Variants in OGFOD1 observed in about 807,000 individuals in gnomAD.
The protein encoded by OGFOD1 is 2-oxoglutarate and iron dependent oxygenase domain containing 1.
A neutral mutation model predicts 67.7 loss-of-function variants in OGFOD1; 54 were observed. The observed-to-expected ratio is 0.80, with a 90% confidence interval of 0.64 to 1.00. The LOEUF (loss-of-function observed/expected upper bound fraction) is 1.00, where lower values mean the gene tolerates loss of function less well. Ranked by LOEUF, OGFOD1 falls within the 50% of genes least tolerant of loss-of-function variation. The pLI, the probability that OGFOD1 is intolerant of heterozygous loss-of-function variation, is 0.00. For missense variants in OGFOD1, 606 were observed against 646.7 expected, an observed-to-expected ratio of 0.94 and a Z score of 0.68; for synonymous variants, 221 against 227.0, an observed-to-expected ratio of 0.97 and a Z score of 0.24.
chr16:56,458,876 T>A (rs1165893163), intron 3 of OGFOD1: 1 of 407,004 alleles, frequency 2.5e-6, no homozygotes, highest in Non-Finnish European at 4.5e-6. Flanking sequence ...GGAGATACCA[T>A]TTTTCACATG....
chr16:56,461,858 C>T (rs1197402509), intron 3 of OGFOD1, among the ~76,000 whole-genome samples: 1 of 151,940 alleles, frequency 6.6e-6, no homozygotes, highest in Non-Finnish European at 1.5e-5. Context: ...CACTGGAGGC[C>T]GAGGCAGGCG....
chr16:56,470,862 A>C, intron 10 of OGFOD1, 71 bp downstream of exon 10: 10 of 1,408,360 alleles, frequency 7.1e-6, no homozygotes, highest in Non-Finnish European at 9.5e-6. Context: ...TTCATTCAAC[A>C]AACATTTATT....
intron 10 of OGFOD1, among the ~76,000 whole-genome samples, chr16:56,474,416 G>A (rs1220672866): frequency 1.3e-5 from 2 of 151,288 alleles, no homozygotes; most frequent in Admixed American, 6.6e-5. Context: ...TGCCACCCGG[G>A]CTCAAGCAAC....
intron 4 of OGFOD1, among the ~76,000 whole-genome samples, chr16:56,463,384 GTTTTTTTTTTTTTTTTTT>G (rs56388148): frequency 2.3e-5 from 1 of 43,784 alleles, no homozygotes; most frequent in Admixed American, 3.4e-4. Flanking sequence ...TCTTTTTTGG[GTTTTTTTTTTTTTTTTTT>G]TTTTTTTTTT....
intron 8 of OGFOD1, among the ~76,000 whole-genome samples, chr16:56,469,365 G>A (rs977831220): frequency 2.0e-5 from 3 of 151,844 alleles, no homozygotes; most frequent in Non-Finnish European, 4.4e-5. Flanking sequence ...CTTGTGAGTT[G>A]TATTATGGTC....
chr16:56,474,049 T>C (rs1421281795), intron 10 of OGFOD1, among the ~76,000 whole-genome samples: 2 of 152,206 alleles, frequency 1.3e-5, no homozygotes, highest in African/African-American at 4.8e-5. Flanking sequence ...CCTCAGGTGA[T>C]CTGCCTGCCT....
intron 2 of OGFOD1, chr16:56,454,690 T>A (rs1157601941): frequency 1.6e-5 from 6 of 366,714 alleles, no homozygotes; most frequent in African/African-American, 2.2e-5. Flanking sequence ...GAAGAATAAT[T>A]TTTTTTTTTG....
intron 4 of OGFOD1, among the ~76,000 whole-genome samples, chr16:56,464,784 C>T (rs912638618): frequency 2.6e-5 from 4 of 152,026 alleles, no homozygotes; most frequent in African/African-American, 7.2e-5. Flanking sequence ...TCCATGCCAA[C>T]GTCCTAGAAT....
chr16:56,453,436 T>G, intron 2 of OGFOD1, 28 bp downstream of exon 2: 2 of 1,597,616 alleles, frequency 1.3e-6, no homozygotes, highest in Non-Finnish European at 1.7e-6. Context: ...ACATTAACTC[T>G]TCCAGCTTGG....
At chr16:56,463,384 G>GTTT (rs56388148) in intron 4 of OGFOD1, among the ~76,000 whole-genome samples, 997 of 43,786 alleles carry the variant, frequency 0.023, 77 homozygotes, top group Non-Finnish European at 0.029. Flanking sequence ...TCTTTTTTGG[G>GTTT]TTTTTTTTTT....
At chr16:56,471,560 A>G (rs1008276327) in intron 10 of OGFOD1, among the ~76,000 whole-genome samples, 2 of 152,204 alleles carry the variant, frequency 1.3e-5, no homozygotes, top group South Asian at 4.1e-4. Context: ...AGCACTTACT[A>G]CTATGTCAGT....
At chr16:56,464,762 A>G (rs1031592806) in intron 4 of OGFOD1, among the ~76,000 whole-genome samples, 13 of 151,688 alleles carry the variant, frequency 8.6e-5, no homozygotes, top group African/African-American at 3.2e-4. Context: ...TTCCAAGCTT[A>G]TCTTTGTATT....
In OGFOD1 at chr16:56,470,668, A is replaced by G. The variant is rs772091431; in HGVS notation, c.1162A>G (p.Thr388Ala). 1.2e-6 allele frequency: 2 copies of G among 1,614,206 alleles called. No individual in the cohort carries two copies. Among genetic ancestry groups the G allele is most frequent in the South Asian group, 2.2e-5 (2 of 91,086 alleles). ...AAAAGAGGCAGAAACCACTGATATC[A>G]CTGAAGAAGGGACTAGCCATAGTCC... ...DKKEAETTDI[T>A]EEGTSHSPPE... Residue 388 changes from threonine to alanine, a missense_variant, in exon 10 of 13, where the codon ACT (threonine) becomes GCT (alanine). Thr to Ala is a moderately conservative substitution (Grantham distance 58). Transcript: ENST00000566157.
At chr16:56,457,975 G>A (rs948763516) in intron 2 of OGFOD1, among the ~76,000 whole-genome samples, 9 of 152,124 alleles carry the variant, frequency 5.9e-5, no homozygotes, top group African/African-American at 2.2e-4. Context: ...ACCGTGCCCG[G>A]CCCCACTATT....
intron 2 of OGFOD1, chr16:56,454,653 GAAAA>G (rs57144787): frequency 1.7e-5 from 5 of 299,338 alleles, no homozygotes; most frequent in African/African-American, 9.3e-5. Context: ...ATTGGGGGGG[GAAAA>G]AAAAAAGAAA....
At chr16:56,456,507 G>T (rs1189951857) in intron 2 of OGFOD1, among the ~76,000 whole-genome samples, 2 of 152,106 alleles carry the variant, frequency 1.3e-5, no homozygotes, top group African/African-American at 2.4e-5. Context: ...CTTTCCGAGG[G>T]CTCAGGCCAA....
intron 2 of OGFOD1, 105 bp from the exon 3 acceptor site, chr16:56,458,434 AGAGTCTGGG>A (rs1962599064): frequency 3.3e-6 from 3 of 921,566 alleles, no homozygotes; most frequent in Non-Finnish European, 5.4e-6. Context: ...GCCTGGCTTC[AGAGTCTGGG>A]CTCTTAATGA....
chr16:56,473,634 G>T (rs1397084846), intron 10 of OGFOD1, among the ~76,000 whole-genome samples: 1 of 151,226 alleles, frequency 6.6e-6, no homozygotes, highest in African/African-American at 2.4e-5. Flanking sequence ...TATTCTTTAG[G>T]TGGAAATGGC....
chr16:56,472,357 T>C (rs1474397191), intron 10 of OGFOD1, among the ~76,000 whole-genome samples: 3 of 152,210 alleles, frequency 2.0e-5, no homozygotes, highest in Non-Finnish European at 4.4e-5. Flanking sequence ...AGCCAAAAGA[T>C]GCTTTATTCC....
Sources: gnomAD v4.1 joint callset for allele counts (sites outside exome capture counted in the v4.1 genomes callset) on GRCh38, gnomAD v4.1.1 for gene constraint, MANE v1.5 for transcripts, NCBI Gene and HGNC (gene_info 2026-07-23, HGNC 2026-07-21) for gene names.